The following PIAS1 variants were observed in gnomAD, a reference collection of about 807,000 sequenced individuals.
PIAS1 encodes E3 SUMO-protein ligase PIAS1.
PIAS1 carries 6 observed loss-of-function variants against 71.3 expected under a neutral mutation model. That is an observed-to-expected ratio of 0.08 (90% confidence interval 0.05 to 0.17). PIAS1 has a LOEUF of 0.17. Ranked by LOEUF, PIAS1 falls within the 10% of genes least tolerant of loss-of-function variation. PIAS1 has a pLI of 1.00. For synonymous variants in PIAS1, 303 were observed against 292.9 expected (o/e 1.03, Z -0.35); for missense variants, 555 against 793.6 (o/e 0.70, Z 3.61).
At chr15:68,102,871 T>A (rs1298047225) in intron 2 of PIAS1, among the ~76,000 whole-genome samples, 1 of 152,160 alleles carries the variant, frequency 6.6e-6, no homozygotes, top group African/African-American at 2.4e-5. Flanking sequence ...CTTATTGCTT[T>A]ATGGCTCTAA....
At chr15:68,128,040 C>T (rs1245398347) in intron 2 of PIAS1, among the ~76,000 whole-genome samples, 1 of 152,222 alleles carries the variant, frequency 6.6e-6, no homozygotes, top group Non-Finnish European at 1.5e-5. Context: ...GCTAGGATTA[C>T]AGGCGTGAGC....
chr15:68,134,644 A>G (rs1595753602), intron 2 of PIAS1, among the ~76,000 whole-genome samples: 1 of 28,720 alleles, frequency 3.5e-5, no homozygotes, highest in Admixed American at 3.0e-4. Flanking sequence ...TCCCTCCCGG[A>G]CGGGGCGGCT....
chr15:68,126,749 C>A (rs1366106134), intron 2 of PIAS1, among the ~76,000 whole-genome samples: 1 of 151,604 alleles, frequency 6.6e-6, no homozygotes, highest in African/African-American at 2.4e-5. Flanking sequence ...TATAGTTGTA[C>A]CATGGTTATA....
At chr15:68,109,365 C>A (rs766574668) in intron 2 of PIAS1, among the ~76,000 whole-genome samples, 1 of 152,162 alleles carries the variant, frequency 6.6e-6, no homozygotes, top group Non-Finnish European at 1.5e-5. Context: ...TATTTTCTTT[C>A]TCTTCTCATT....
Position 68,146,704 on chromosome 15 carries a change from A to T in PIAS1, c.828+4A>T. ...TTGGACTGCAGAAATTGGAAGAGTA[A>T]GTAAATTTTTGTTTCTACCAGATTT... On this transcript the variant is annotated splice_donor_region_variant and intron_variant, in intron 6 of 13. Coordinates refer to ENST00000249636, the MANE Select transcript of PIAS1 (RefSeq NM_016166.3). 6.2e-7 allele frequency: 1 copy of T among 1,603,240 alleles called. No individual in the cohort carries two copies. The highest frequency in any genetic ancestry group is 8.5e-7 in the Non-Finnish European group (1 of 1,173,364).
intron 2 of PIAS1, among the ~76,000 whole-genome samples, chr15:68,111,192 T>A (rs375252117): frequency 6.6e-5 from 10 of 152,182 alleles, no homozygotes; most frequent in East Asian, 5.8e-4. Context: ...CAGAAGCCAG[T>A]AGATGGGCTA....
At chr15:68,109,962 CTTAAAT>C (rs1000133508) in intron 2 of PIAS1, among the ~76,000 whole-genome samples, 13 of 152,144 alleles carry the variant, frequency 8.5e-5, no homozygotes, top group African/African-American at 2.4e-4. Flanking sequence ...AGTTAAAAAA[CTTAAAT>C]TTAAACAATT....
intron 1 of PIAS1, among the ~76,000 whole-genome samples, chr15:68,074,908 A>C (rs976166425): frequency 1.3e-5 from 2 of 150,914 alleles, no homozygotes; most frequent in East Asian, 1.9e-4. Flanking sequence ...TAAAAAGTAT[A>C]GTCTGTTTGG....
chr15:68,095,561 C>T (rs902676046), intron 2 of PIAS1, among the ~76,000 whole-genome samples: 2 of 144,102 alleles, frequency 1.4e-5, no homozygotes, highest in African/African-American at 5.2e-5. Flanking sequence ...GATGGAGTCT[C>T]GCTCTGTCAC....
chr15:68,068,644 G>C (rs1404347124), intron 1 of PIAS1, among the ~76,000 whole-genome samples: 1 of 151,966 alleles, frequency 6.6e-6, no homozygotes, highest in Non-Finnish European at 1.5e-5. Flanking sequence ...GTAGAGAAGG[G>C]ATTTTGCCCT....
intron 2 of PIAS1, among the ~76,000 whole-genome samples, chr15:68,138,538 G>A (rs1595758309): frequency 1.3e-5 from 2 of 152,280 alleles, no homozygotes; most frequent in African/African-American, 4.8e-5. Flanking sequence ...GCAGTGCGGC[G>A]ATCTCGGCTC....
intron 8 of PIAS1, among the ~76,000 whole-genome samples, chr15:68,166,772 G>A (rs2092960106): frequency 6.6e-6 from 1 of 152,132 alleles, no homozygotes; most frequent in Non-Finnish European, 1.5e-5. Context: ...TGTAGTGCAG[G>A]TGCTCATCTC....
intron 2 of PIAS1, among the ~76,000 whole-genome samples, chr15:68,118,275 T>A (rs1189298204): frequency 2.6e-5 from 4 of 151,426 alleles, no homozygotes; most frequent in East Asian, 1.9e-4. Flanking sequence ...GAGCCAAGAT[T>A]GCGCCACTAC....
rs765300821 is a variant in PIAS1, at chr15:68,086,386, C to T, written c.105C>T (p.His35=). The T allele has an allele frequency of 3.2e-5, 51 of 1,613,652 alleles. No individual in the cohort carries two copies. The highest frequency in any genetic ancestry group is 3.8e-5 in the Non-Finnish European group (45 of 1,179,796). ...YAGRNKHGRK[H]ELLTKALHLL... is the part of the protein sequence containing the mutation. ...GGAGAAACAAGCACGGACGCAAACACGAACTTCTCACAAAAGCCCTGCATT... is the reference window on the plus strand; with the variant it reads ...GGAGAAACAAGCACGGACGCAAACATGAACTTCTCACAAAAGCCCTGCATT... The change falls in exon 2 of 14, where the codon CAC becomes CAT. Residue 35 remains histidine, a synonymous_variant. Coordinates refer to ENST00000249636, the MANE Select transcript of PIAS1 (RefSeq NM_016166.3). The surrounding 1 kb of genome is among the most constrained non-coding windows in gnomAD (Gnocchi z 7.2).
rs374567101 is a variant in PIAS1 at position 68,158,480 on chromosome 15, A to G, written c.934+4785A>G. Among the ~76,000 whole-genome samples the G allele has an allele frequency of 1.1e-4, 17 of 152,244 alleles. No individual in the cohort carries two copies. The East Asian group carries it at 2.5e-3, about 22-fold the overall frequency. ...TTGACTTTTGGTTAGCTTCCTGAAC[A>G]TACTCCATCAGAGTGCATTAGAGAT... On this transcript the variant is annotated intron_variant, in intron 7 of 13. Transcript: ENST00000249636.
chr15:68,105,421 A>T lies in PIAS1; in HGVS notation c.469+18671A>T, dbSNP rs116797238. Reference sequence around the variant, plus strand: ...TTTCAAGTCAAGATTATATTTATGTACATGATTTTTTTCTCATATTTCTCA... The same window carrying T: ...TTTCAAGTCAAGATTATATTTATGTTCATGATTTTTTTCTCATATTTCTCA... On this transcript the variant is annotated intron_variant, in intron 2 of 13. Transcript: ENST00000249636. 3.8e-3 allele frequency among the ~76,000 whole-genome samples: 572 copies of T among 152,084 alleles called. 3 individuals are homozygous for T. The highest frequency in any genetic ancestry group is 0.013 in the African/African-American group (556 of 41,468).
Position 68,175,602 on chromosome 15 carries a change from A to C in PIAS1, c.1170-35A>C. Reference sequence around the variant, plus strand: ...AGTTGTTCAACCTTTATGTTCATTTAAAATATATTCTAAGGATGAATTGTT... The same window carrying C: ...AGTTGTTCAACCTTTATGTTCATTTCAAATATATTCTAAGGATGAATTGTT... On this transcript the variant is annotated intron_variant, in intron 9 of 13. Transcript: ENST00000249636. 2.5e-6 allele frequency: 3 copies of C among 1,210,010 alleles called. No individual in the cohort carries two copies. In the South Asian group the frequency reaches 5.9e-5, roughly 24 times the overall value. The allele number at this position is 1,210,010 out of a possible 1,614,324, so 75.0% of individuals were successfully genotyped here.
intron 1 of PIAS1, chr15:68,057,399 C>T (rs902826534): frequency 2.4e-5 from 9 of 381,790 alleles, no homozygotes; most frequent in Middle Eastern, 8.1e-4. Flanking sequence ...CATGAAACTC[C>T]TCTTAAAGTA....
intron 8 of PIAS1, among the ~76,000 whole-genome samples, chr15:68,169,023 T>G (rs548158653): frequency 1.5e-4 from 23 of 152,222 alleles, no homozygotes; most frequent in Admixed American, 5.2e-4. Flanking sequence ...GAAACAATCT[T>G]TATTTCTTAT....
Sources: gnomAD v4.1 joint callset for allele counts (sites outside exome capture counted in the v4.1 genomes callset) on GRCh38, gnomAD v4.1.1 for gene constraint, Gnocchi (gnomAD v3.1) non-coding constraint, MANE v1.5 for transcripts, NCBI Gene and HGNC (gene_info 2026-07-23, HGNC 2026-07-21) for gene names.